The following VNN1 variants were observed in gnomAD, a reference collection of about 807,000 sequenced individuals.
VNN1 encodes vanin 1.
Under a neutral mutation model 41.9 loss-of-function variants are expected in VNN1, and 29 were observed. That is an observed-to-expected ratio of 0.69 (90% CI 0.52 to 0.94). The LOEUF (loss-of-function observed/expected upper bound fraction) is 0.94, where lower values mean the gene tolerates loss of function less well. Among genes scored for constraint, VNN1 ranks in the 40% least tolerant of loss-of-function variants. The pLI, the probability that VNN1 is intolerant of heterozygous loss-of-function variation, is 0.00. For synonymous variants in VNN1, 233 were observed against 224.4 expected (o/e 1.04, Z -0.34); for missense variants, 637 against 621.1 (o/e 1.03, Z -0.27).
chr6:132,698,649 C>T (rs1438779669), intron 2 of VNN1: 4 of 152,436 alleles, frequency 2.6e-5, no homozygotes, highest in African/African-American at 9.7e-5. Context: ...CAGAGACATC[C>T]ACCCAGGAAG....
intron 4 of VNN1, 63 bp downstream of exon 4, chr6:132,692,960 AT>A: frequency 6.7e-7 from 1 of 1,486,928 alleles, no homozygotes; most frequent in Non-Finnish European, 9.0e-7. Context: ...CTAGAAAAAC[AT>A]GTTTTTTTTT....
In VNN1 at chr6:132,681,034, A is replaced by G. The variant is rs1186902221; in HGVS notation, c.*2106T>C. ...TATACAGATATAAATATAAATACAT[A>G]TATTCACTATGATAGCATCCAAAAT... is the stretch of plus-strand genomic sequence containing the variant. On this transcript the variant is annotated 3_prime_UTR_variant, in exon 7 of 7. Transcript: ENST00000367928. Among the ~76,000 whole-genome samples, 2 of 152,210 alleles carry G rather than the reference A, an allele frequency of 1.3e-5. No individual in the cohort carries two copies. Among genetic ancestry groups the G allele is most frequent in the African/African-American group, 4.8e-5 (2 of 41,454 alleles).
chr6:132,694,757 G>A (rs1778344562), intron 2 of VNN1, among the ~76,000 whole-genome samples: 1 of 151,988 alleles, frequency 6.6e-6, no homozygotes, highest in Admixed American at 6.6e-5. Context: ...AGATATTTGG[G>A]AGACTGAGGT....
intron 2 of VNN1, among the ~76,000 whole-genome samples, chr6:132,700,531 C>T (rs1019036364): frequency 6.6e-6 from 1 of 152,104 alleles, no homozygotes; most frequent in Non-Finnish European, 1.5e-5. Context: ...CTTCCCAAAC[C>T]CTGTTCTAGT....
chr6:132,712,619 C>T (rs1468952520), intron 1 of VNN1, among the ~76,000 whole-genome samples: 1 of 152,110 alleles, frequency 6.6e-6, no homozygotes, highest in Admixed American at 6.6e-5. Flanking sequence ...TCCTCCTCTG[C>T]CCTAGCTTTC....
intron 5 of VNN1, among the ~76,000 whole-genome samples, chr6:132,686,954 T>C (rs1299863044): frequency 2.0e-5 from 3 of 151,962 alleles, no homozygotes; most frequent in Non-Finnish European, 2.9e-5. Flanking sequence ...CAGTACAAGA[T>C]TTGGAAGATC....
chr6:132,710,233 A>G (rs1362416930), intron 2 of VNN1, among the ~76,000 whole-genome samples: 1 of 152,118 alleles, frequency 6.6e-6, no homozygotes, highest in East Asian at 1.9e-4. Context: ...TATTTTTAGT[A>G]GAGATGGGGT....
intron 2 of VNN1, among the ~76,000 whole-genome samples, chr6:132,697,353 T>C (rs1230921272): frequency 2.0e-5 from 3 of 152,032 alleles, no homozygotes; most frequent in Non-Finnish European, 2.9e-5. Flanking sequence ...ATGCAGGGGA[T>C]TCATTAGGAA....
rs1423688014 is a variant in VNN1, at chr6:132,688,088, T to A, written c.1189-3583A>T. Among the ~76,000 whole-genome samples the A allele has an allele frequency of 6.6e-5, 10 of 152,110 alleles. 1 individual carries two copies. Among genetic ancestry groups the A allele is most frequent in the Non-Finnish European group, 2.9e-5 (2 of 68,016 alleles). ...TTTCAAGCATAATATATCATCACAG[T>A]TAGACTATGAAAAATTATAAATATA... On this transcript the variant is annotated intron_variant, in intron 5 of 6. Coordinates refer to ENST00000367928, the MANE Select transcript of VNN1 (RefSeq NM_004666.3).
chr6:132,690,287 C>T (rs540614851), intron 5 of VNN1, among the ~76,000 whole-genome samples: 1 of 152,174 alleles, frequency 6.6e-6, no homozygotes, highest in African/African-American at 2.4e-5. Context: ...TAAGATCCTG[C>T]AGGACAGGAT....
rs773646173 is a variant in VNN1 at position 132,683,204 on chromosome 6, G to A, written c.1478C>T (p.Thr493Ile). The A allele has an allele frequency of 5.6e-6, 9 of 1,613,964 alleles. No homozygotes were observed. Among genetic ancestry groups the A allele is most frequent in the African/African-American group, 1.3e-5 (1 of 74,908 alleles). The change falls in exon 7 of 7, where the codon ACA becomes ATA. Residue 493 changes from threonine (T) to isoleucine (I), a missense_variant. Thr to Ile is a moderately conservative substitution (Grantham distance 89). Coordinates refer to ENST00000367928, the MANE Select transcript of VNN1 (RefSeq NM_004666.3). ...DWASNASSGL[T>I]AQARIIMLIV... is the part of the protein sequence containing the mutation. ...TAGCATTATTATTCTTGCTTGTGCTGTGAGGCCTGATGAAGCATTTGATGC... is the reference window on the plus strand; with the variant it reads ...TAGCATTATTATTCTTGCTTGTGCTATGAGGCCTGATGAAGCATTTGATGC...
chr6:132,696,730 G>A (rs562552695), intron 2 of VNN1, among the ~76,000 whole-genome samples: 98 of 151,862 alleles, frequency 6.5e-4, no homozygotes, highest in African/African-American at 2.3e-3. Flanking sequence ...CCCTTCAAAA[G>A]GGAGGGAGAA....
chr6:132,700,320 T>C (rs1412480541), intron 2 of VNN1, among the ~76,000 whole-genome samples: 6 of 151,948 alleles, frequency 3.9e-5, no homozygotes, highest in East Asian at 1.9e-4. Flanking sequence ...TAAAAAAAAA[T>C]TTTCAGAGGC....
In VNN1 at chr6:132,684,457, C is replaced by T. The variant is rs1019520901; in HGVS notation, c.1237G>A (p.Asp413Asn). The T allele has an allele frequency of 6.2e-7, 1 of 1,614,078 alleles. No individual in the cohort carries two copies. Among genetic ancestry groups the T allele is most frequent in the Non-Finnish European group, 8.5e-7 (1 of 1,179,990 alleles). The change falls in exon 6 of 7, where the codon GAC (aspartate) becomes AAC (asparagine). Residue 413 changes from aspartate to asparagine, a missense_variant. By Grantham distance (23) the Asp-to-Asn change is conservative. Transcript: ENST00000367928. ...CTGGTAGAAGCTGTTTCAGCTGAGT[C>T]ACCGCAAGTGTTTAAATTAGTCGTT... ...CKTTNLNTCG[D>N]SAETASTRFE... is the part of the protein sequence containing the mutation.
intron 2 of VNN1, among the ~76,000 whole-genome samples, chr6:132,700,472 C>T (rs1440406787): frequency 6.6e-6 from 1 of 152,148 alleles, no homozygotes; most frequent in African/African-American, 2.4e-5. Context: ...ACTCCTGGGA[C>T]AGAAACTGCT....
In VNN1 at chr6:132,694,025, C is replaced by T; in HGVS notation, c.499G>A (p.Asp167Asn). Residue 167 changes from aspartate (D) to asparagine (N), a missense_variant, in exon 3 of 7, where the codon GAT becomes AAT. Transcript: ENST00000367928. ...RYQYNTDVVF[D>N]SQGKLVARYH... ...CGTGCCACCAGTTTTCCTTGAGAAT[C>T]AAATACCACATCAGTGTTGTATTGG... is the stretch of plus-strand genomic sequence containing the variant. 1 of 1,614,150 alleles carries T rather than the reference C, an allele frequency of 6.2e-7. No individual in the cohort carries two copies. The highest frequency in any genetic ancestry group is 8.5e-7 in the Non-Finnish European group (1 of 1,180,014).
chr6:132,695,806 C>A (rs1477738124), intron 2 of VNN1, among the ~76,000 whole-genome samples: 1 of 152,134 alleles, frequency 6.6e-6, no homozygotes, highest in Non-Finnish European at 1.5e-5. Flanking sequence ...ATTTACATCT[C>A]AAGCTGATCC....
intron 5 of VNN1, among the ~76,000 whole-genome samples, chr6:132,686,673 C>G (rs1778213873): frequency 6.6e-6 from 1 of 152,178 alleles, no homozygotes; most frequent in Non-Finnish European, 1.5e-5. Context: ...GTGTTACTCA[C>G]ATGGTCAGAA....
At position 132,694,187 on chromosome 6, in the gene VNN1, T is replaced by C; in HGVS notation, c.342-5A>G. The C allele has an allele frequency of 1.9e-6, 3 of 1,567,178 alleles. No individual in the cohort carries two copies. Among genetic ancestry groups the C allele is most frequent in the Non-Finnish European group, 2.6e-6 (3 of 1,158,674 alleles). ...TGTACTGGGGTCTGGCCAAATCTGA[T>C]ACATGTTTATTGGAGGAAAAAAATC... On this transcript the variant is annotated splice_polypyrimidine_tract_variant and splice_region_variant and intron_variant, in intron 2 of 6. Transcript: ENST00000367928.
Sources: gnomAD v4.1 joint callset for allele counts (sites outside exome capture counted in the v4.1 genomes callset) on GRCh38, gnomAD v4.1.1 for gene constraint, MANE v1.5 for transcripts, NCBI Gene and HGNC (gene_info 2026-07-23, HGNC 2026-07-21) for gene names.